Variants in TNFRSF8 observed in about 807,000 individuals in gnomAD.
The protein encoded by TNFRSF8 is tumor necrosis factor receptor superfamily member 8.
Under a neutral mutation model 70.8 loss-of-function variants are expected in TNFRSF8, and 26 were observed. The observed-to-expected ratio is 0.37, with a 90% CI of 0.27 to 0.51. The LOEUF is 0.51. TNFRSF8 is among the 20% of genes least tolerant of loss of function. The probability of loss-of-function intolerance (pLI) is 0.94; values close to 1 mark genes in which losing one functional copy is unlikely to be tolerated. For synonymous variants in TNFRSF8, 356 were observed against 339.2 expected (o/e 1.05, Z -0.54); for missense variants, 720 against 807.9 (o/e 0.89, Z 1.32).
At chr1:12,121,880 A>T (rs1641835017) in intron 8 of TNFRSF8, among the ~76,000 whole-genome samples, 1 of 152,270 alleles carries the variant, frequency 6.6e-6, no homozygotes, top group African/African-American at 2.4e-5. Context: ...TCTGTACAAC[A>T]GAACGCCATT....
intron 12 of TNFRSF8, among the ~76,000 whole-genome samples, chr1:12,128,472 C>T (rs746839853): frequency 3.3e-5 from 5 of 152,346 alleles, no homozygotes; most frequent in Admixed American, 6.5e-5. Flanking sequence ...AAAGCACACA[C>T]GTGATCTCAT....
intron 1 of TNFRSF8, among the ~76,000 whole-genome samples, chr1:12,075,949 C>A (rs555995942): frequency 6.6e-6 from 1 of 152,312 alleles, no homozygotes; most frequent in South Asian, 2.1e-4. Context: ...ACATTCCCAG[C>A]ATACAGTAAA....
intron 1 of TNFRSF8, among the ~76,000 whole-genome samples, chr1:12,080,070 T>G (rs893941879): frequency 6.6e-6 from 1 of 151,788 alleles, no homozygotes; most frequent in African/African-American, 2.4e-5. Context: ...CGCCTCAGCC[T>G]CCTGAGTAGT....
At chr1:12,127,791 C>T (rs560495429) in intron 12 of TNFRSF8, among the ~76,000 whole-genome samples, 35 of 152,110 alleles carry the variant, frequency 2.3e-4, no homozygotes, top group Non-Finnish European at 4.3e-4. Flanking sequence ...TTTCCATTGC[C>T]GTCAGTTTAT....
intron 2 of TNFRSF8, among the ~76,000 whole-genome samples, chr1:12,086,077 A>G (rs1296023941): frequency 6.6e-6 from 1 of 152,124 alleles, no homozygotes; most frequent in Non-Finnish European, 1.5e-5. Flanking sequence ...GGAGGGGCCC[A>G]TCCACCCAGC....
chr1:12,132,213 A>G (rs1201171), intron 12 of TNFRSF8, among the ~76,000 whole-genome samples: 113,778 of 152,190 alleles, frequency 0.75, 43,121 homozygotes, highest in African/African-American at 0.85. Context: ...TTCATTTGTC[A>G]AAATATGTGA....
Position 12,110,329 on chromosome 1 carries a change from C to T in TNFRSF8, c.676+125C>T, listed in dbSNP as rs986026595. ...GTCTTTTCCTGGTGGGGAGAGAAGA[C>T]GGTGGTAAGGTATGATCTAGGGCTG... On this transcript the variant is annotated intron_variant, in intron 6 of 14. Transcript: ENST00000263932. The surrounding 1 kb of genome is among the most constrained non-coding windows in gnomAD (Gnocchi z 4.0). 11 of 1,024,006 alleles carry T rather than the reference C, an allele frequency of 1.1e-5. No individual in the cohort carries two copies. Among genetic ancestry groups the T allele is most frequent in the Admixed American group, 3.0e-5 (1 of 33,196 alleles). The allele number at this position is 1,024,006 out of a possible 1,614,324, so 63.4% of individuals were successfully genotyped here.
At chr1:12,094,650 G>A (rs1248605976) in intron 2 of TNFRSF8, among the ~76,000 whole-genome samples, 3 of 146,920 alleles carry the variant, frequency 2.0e-5, no homozygotes, top group African/African-American at 7.7e-5. Flanking sequence ...TTTTGAGACG[G>A]AGTCTCACTC....
At chr1:12,136,870 C>CTTTTTTTTTTTT (rs201470263) in intron 13 of TNFRSF8, among the ~76,000 whole-genome samples, 24 of 118,664 alleles carry the variant, frequency 2.0e-4, no homozygotes, top group Non-Finnish European at 3.5e-4. Flanking sequence ...ATACTCAGTT[C>CTTTTTTTTTTTT]TTTTTTTTTT....
rs183108697 is a variant in TNFRSF8, at chr1:12,108,094, T to G, written c.422-1472T>G. On this transcript the variant is annotated intron_variant, in intron 4 of 14. Transcript: ENST00000263932. This position sits in a 1 kb window ranked among gnomAD's most constrained non-coding sequence, Gnocchi z 4.0. ...CCACCATTTTTTTATTTTTTTTTTTTTTGTGATGGAGCCTCGATCTGTCAC... is the reference window on the plus strand; with the variant it reads ...CCACCATTTTTTTATTTTTTTTTTTGTTGTGATGGAGCCTCGATCTGTCAC... Among the ~76,000 whole-genome samples the G allele has an allele frequency of 1.7e-3, 252 of 151,714 alleles. 1 individual carries two copies. The highest frequency in any genetic ancestry group is 2.4e-3 in the Non-Finnish European group (163 of 67,872).
At chr1:12,114,570 G>A (rs1439022814) in intron 7 of TNFRSF8, among the ~76,000 whole-genome samples, 1 of 151,058 alleles carries the variant, frequency 6.6e-6, no homozygotes, top group African/African-American at 2.4e-5. Flanking sequence ...TGATGCAGTC[G>A]TTCTGTATTT....
chr1:12,063,436 G>A lies in TNFRSF8; in HGVS notation c.-163G>A. 2.1e-6 allele frequency: 1 copy of A among 472,004 alleles called. No individual in the cohort carries two copies. Among genetic ancestry groups the A allele is most frequent in the South Asian group, 9.6e-5 (1 of 10,366 alleles). The allele number at this position is 472,004 out of a possible 1,614,324, so 29.2% of individuals were successfully genotyped here. The stretch of plus-strand genomic sequence containing the variant: ...CAACCACTTTTGAAGTGACTTCGCG[G>A]CGTGCGTTGGGTGCGGACTAGGTGG... On this transcript the variant is annotated 5_prime_UTR_variant, in exon 1 of 15. Coordinates refer to ENST00000263932, the MANE Select transcript of TNFRSF8 (RefSeq NM_001243.5). The surrounding 1 kb of genome is among the most constrained non-coding windows in gnomAD (Gnocchi z 7.2).
rs1641198741 is a variant in TNFRSF8, at chr1:12,088,872, G to T, written c.151+4321G>T. The stretch of plus-strand genomic sequence containing the variant: ...ATTTGGCATGACAGCTGCTGCCCCT[G>T]CCGCCTCCCCCTCCCCCGCCCAGTC... On this transcript the variant is annotated intron_variant, in intron 2 of 14. Coordinates refer to ENST00000263932, the MANE Select transcript of TNFRSF8 (RefSeq NM_001243.5). This position sits in a 1 kb window ranked among gnomAD's most constrained non-coding sequence, Gnocchi z 4.0. Among the ~76,000 whole-genome samples the T allele has an allele frequency of 6.6e-6, 1 of 152,112 alleles. No individual in the cohort carries two copies. The highest frequency in any genetic ancestry group is 2.1e-4 in the South Asian group (1 of 4,832).
chr1:12,100,722 C>G (rs763615748), intron 3 of TNFRSF8, among the ~76,000 whole-genome samples: 1 of 152,052 alleles, frequency 6.6e-6, no homozygotes, highest in African/African-American at 2.4e-5. Context: ...TTTGGGAAGC[C>G]GAGGTGGGCA....
At chr1:12,083,344 G>A (rs1440773659) in intron 1 of TNFRSF8, among the ~76,000 whole-genome samples, 2 of 152,184 alleles carry the variant, frequency 1.3e-5, no homozygotes, top group Non-Finnish European at 2.9e-5. Context: ...TAAAACGTGT[G>A]TACAGGAATG....
Position 12,126,201 on chromosome 1 carries a change from C to T in TNFRSF8, c.1274C>T (p.Pro425Leu), listed in dbSNP as rs776499742. The T allele has an allele frequency of 2.2e-5, 36 of 1,614,142 alleles. No individual in the cohort carries two copies. The Admixed American group carries it at 2.8e-4, about 13-fold the overall frequency. ...GTTTCAGAGCTCCACCTGTGCTACC[C>T]GGTCCAGACCTCCCAGCCCAAGCTA... ...RIRQKLHLCY[P>L]VQTSQPKLEL... is the part of the protein sequence containing the mutation. The change falls in exon 12 of 15, where the codon CCG becomes CTG. Residue 425 changes from proline (P) to leucine (L), a missense_variant. Coordinates refer to ENST00000263932, the MANE Select transcript of TNFRSF8 (RefSeq NM_001243.5).
intron 2 of TNFRSF8, among the ~76,000 whole-genome samples, chr1:12,095,860 G>A (rs1265594421): frequency 2.6e-5 from 4 of 152,174 alleles, no homozygotes; most frequent in Admixed American, 2.0e-4. Context: ...TTTGAACGAT[G>A]TCCTCAGGAG....
chr1:12,117,289 G>A (rs1279451435), intron 8 of TNFRSF8, among the ~76,000 whole-genome samples: 1 of 152,034 alleles, frequency 6.6e-6, no homozygotes, highest in African/African-American at 2.4e-5. Flanking sequence ...TGCCATGTTG[G>A]CCAGGCTGGT....
At chr1:12,071,483 T>C (rs987773889) in intron 1 of TNFRSF8, among the ~76,000 whole-genome samples, 1 of 152,220 alleles carries the variant, frequency 6.6e-6, no homozygotes, top group African/African-American at 2.4e-5. Context: ...GCTATTTTTC[T>C]TCTGGATATG....
Sources: gnomAD v4.1 joint callset for allele counts (sites outside exome capture counted in the v4.1 genomes callset) on GRCh38, gnomAD v4.1.1 for gene constraint, Gnocchi (gnomAD v3.1) non-coding constraint, MANE v1.5 for transcripts, NCBI Gene and HGNC (gene_info 2026-07-23, HGNC 2026-07-21) for gene names.